FAM161A: variants seen among roughly 807,000 people sequenced by gnomAD.
FAM161A encodes the protein FAM161 centrosomal protein A, also known as protein FAM161A.
FAM161A carries 57 observed loss-of-function variants against 70.9 expected under a neutral mutation model. The ratio of observed to expected loss-of-function variants is 0.80; its 90% CI spans 0.65 to 1.00. The LOEUF is 1.00. Among genes scored for constraint, FAM161A ranks in the 50% least tolerant of loss-of-function variants. FAM161A has a pLI of 0.00. For synonymous variants in FAM161A, 299 were observed against 295.7 expected, an observed-to-expected ratio of 1.01 and a Z score of -0.12; for missense variants, 880 against 836.0, an observed-to-expected ratio of 1.05 and a Z score of -0.65.
At chr2:61,822,731 C>T (rs912103120), downstream of FAM161A, among the ~76,000 whole-genome samples, 7 of 152,222 alleles carry the variant, frequency 4.6e-5, no homozygotes, top group African/African-American at 1.7e-4. Flanking sequence ...GGATTATAGG[C>T]ATATGCTACC....
intron 6 of FAM161A, 91 bp downstream of exon 6, chr2:61,827,013 G>A (rs1442428027): frequency 8.0e-7 from 1 of 1,256,866 alleles, no homozygotes; most frequent in Non-Finnish European, 1.1e-6. Context: ...AAACAATATA[G>A]AACAAAAAAT....
chr2:61,841,150 C>G (rs919645840), intron 2 of FAM161A, among the ~76,000 whole-genome samples: 3 of 152,182 alleles, frequency 2.0e-5, no homozygotes, highest in African/African-American at 4.8e-5. Context: ...TCCCCACTTT[C>G]CAGAGTCACT....
chr2:61,806,208 A>G, the FAM161A span, among the ~76,000 whole-genome samples: 1 of 152,110 alleles, frequency 6.6e-6, no homozygotes, highest in Non-Finnish European at 1.5e-5. Flanking sequence ...ACAGAGCAAG[A>G]TCCGTGATCC....
At chr2:61,834,868 A>G (rs1672713681) in intron 5 of FAM161A, among the ~76,000 whole-genome samples, 1 of 152,176 alleles carries the variant, frequency 6.6e-6, no homozygotes, top group Admixed American at 6.5e-5. Flanking sequence ...CAGTGTAAAG[A>G]GCAAAAACAA....
intron 6 of FAM161A, 27 bp from the exon 7 acceptor site, chr2:61,826,626 C>T (rs1390722252): frequency 1.3e-6 from 2 of 1,590,410 alleles, no homozygotes; most frequent in Admixed American, 1.7e-5. Context: ...ATCAATCTTT[C>T]AAAGGAAAAA....
At chr2:61,811,350 G>T in the FAM161A span, among the ~76,000 whole-genome samples, 1 of 151,624 alleles carries the variant, frequency 6.6e-6, no homozygotes, top group Non-Finnish European at 1.5e-5. Flanking sequence ...GGTATGCGCC[G>T]CCGCACCTGG....
Position 61,838,892 on chromosome 2 carries a change from A to ATTTTTTTTT in FAM161A, c.1584-188_1584-187insAAAAAAAAA, listed in dbSNP as rs746321568. 3.5e-3 allele frequency among the ~76,000 whole-genome samples: 456 copies of ATTTTTTTTT among 130,316 alleles called. 11 individuals are homozygous for ATTTTTTTTT. The highest frequency in any genetic ancestry group is 0.012 in the African/African-American group (436 of 37,058). 85.5% of individuals were successfully genotyped at this position (130,316 alleles called of 152,430 possible). ...TATTTATTTATTTATTTATTTATTT[A>ATTTTTTTTT]TTTTTTTTGAGATGGAGTCTCGCTC... On this transcript the variant is annotated intron_variant, in intron 3 of 6. Transcript: ENST00000404929.
Position 61,825,873 on chromosome 2 carries a change from G to A in FAM161A, c.*582C>T, listed in dbSNP as rs940254289. ...AGGATGGTCTCGATCTCCTGACCTC[G>A]TGATCCACCCGTCTCGGCCTCCCAA... is the stretch of plus-strand genomic sequence containing the variant. On this transcript the variant is annotated 3_prime_UTR_variant, in exon 7 of 7. Coordinates refer to ENST00000404929, the MANE Select transcript of FAM161A (RefSeq NM_001201543.2). 18 of 453,478 alleles carry A rather than the reference G, an allele frequency of 4.0e-5. No homozygotes were observed. The highest frequency in any genetic ancestry group is 1.2e-4 in the Admixed American group (5 of 42,446). 28.1% of individuals were successfully genotyped at this position (453,478 alleles called of 1,614,324 possible). A position where few individuals can be genotyped will look rare whatever the true frequency, so the allele number is the denominator to read the frequency against.
the FAM161A span, among the ~76,000 whole-genome samples, chr2:61,812,792 G>A: frequency 6.7e-6 from 1 of 150,120 alleles, no homozygotes; most frequent in African/African-American, 2.5e-5. Context: ...AATACTGGCC[G>A]GGCGCGGTGG....
chr2:61,845,393 G>A (rs1443652859), intron 1 of FAM161A, among the ~76,000 whole-genome samples: 1 of 152,116 alleles, frequency 6.6e-6, no homozygotes, highest in African/African-American at 2.4e-5. Context: ...ACCTTTATAG[G>A]GTCAAAAGGG....
chr2:61,807,118 A>G, the FAM161A span, among the ~76,000 whole-genome samples: 1 of 152,172 alleles, frequency 6.6e-6, no homozygotes. Context: ...ATTAACTTAG[A>G]AGAGACAAAG....
At chr2:61,844,605 G>A (rs993201832) in intron 1 of FAM161A, among the ~76,000 whole-genome samples, 2 of 152,044 alleles carry the variant, frequency 1.3e-5, no homozygotes, top group Non-Finnish European at 2.9e-5. Flanking sequence ...AGGCTGAAGC[G>A]GAAGAGTCAC....
chr2:61,842,011 G>T, intron 2 of FAM161A, 111 bp downstream of exon 2: 1 of 765,220 alleles, frequency 1.3e-6, no homozygotes. Context: ...GTATATCGTT[G>T]GGAGTACAAA....
At chr2:61,820,530 C>A, downstream of FAM161A, 1 of 746,642 alleles carries the variant, frequency 1.3e-6, no homozygotes, top group Non-Finnish European at 2.4e-6. Flanking sequence ...TTGTTGCTGG[C>A]ATTAAAGAAG....
At chr2:61,816,276 C>G in the FAM161A span, among the ~76,000 whole-genome samples, 7 of 152,202 alleles carry the variant, frequency 4.6e-5, no homozygotes, top group Admixed American at 1.3e-4. Flanking sequence ...TATTTATTAC[C>G]TTACATTCAC....
intron 4 of FAM161A, 159 bp from the exon 5 acceptor site, chr2:61,836,268 G>A: frequency 1.3e-5 from 8 of 634,276 alleles, no homozygotes; most frequent in Non-Finnish European, 2.2e-5. Context: ...ACAGTTCACA[G>A]TTTACCTCGA....
At chr2:61,852,800 A>C (rs974492595) in intron 1 of FAM161A, among the ~76,000 whole-genome samples, 1 of 152,192 alleles carries the variant, frequency 6.6e-6, no homozygotes, top group Admixed American at 6.5e-5. Context: ...CTGTAGATTA[A>C]AGAGATCAGA....
Position 61,848,838 on chromosome 2 carries a change from TTA to T in FAM161A, c.183+5019_183+5020del, listed in dbSNP as rs1318017695. Reference sequence around the variant, plus strand: ...TTTATATATATATATCTATATATATTTATATATATATTTATATATATATTTAT... The same window carrying T: ...TTTATATATATATATCTATATATATTTATATATATTTATATATATATTTAT... On this transcript the variant is annotated intron_variant, in intron 1 of 6. Coordinates refer to ENST00000404929, the MANE Select transcript of FAM161A (RefSeq NM_001201543.2). 1.6e-4 allele frequency among the ~76,000 whole-genome samples: 4 copies of T among 25,260 alleles called. 1 individual carries two copies. Among genetic ancestry groups the T allele is most frequent in the Admixed American group, 5.2e-4 (1 of 1,930 alleles). 16.6% of individuals were successfully genotyped at this position (25,260 alleles called of 152,430 possible).
At position 61,838,584 on chromosome 2, in the gene FAM161A, G is replaced by A. The variant is rs1672858869; in HGVS notation, c.1705C>T (p.His569Tyr). 1 of 1,611,944 alleles carries A rather than the reference G, an allele frequency of 6.2e-7. No individual in the cohort carries two copies. Among genetic ancestry groups the A allele is most frequent in the East Asian group, 2.2e-5 (1 of 44,826 alleles). ...LTTRAKAYDSHQSLAQISKSR... is the reference protein window; with the variant it reads ...LTTRAKAYDSYQSLAQISKSR... ...TTAGATATTTGAGCTAAACTTTGAT[G>A]TGAGTCATAAGCCTTAGCCCGGGTT... is the stretch of plus-strand genomic sequence containing the variant. Residue 569 changes from histidine (H) to tyrosine (Y), a missense_variant, in exon 4 of 7, where the codon CAT (histidine) becomes TAT (tyrosine). By Grantham distance (83) the His-to-Tyr change is moderately conservative. Coordinates refer to ENST00000404929, the MANE Select transcript of FAM161A (RefSeq NM_001201543.2).
Sources: gnomAD v4.1 joint callset for allele counts (sites outside exome capture counted in the v4.1 genomes callset) on GRCh38, gnomAD v4.1.1 for gene constraint, MANE v1.5 for transcripts, NCBI Gene and HGNC (gene_info 2026-07-23, HGNC 2026-07-21) for gene names.